ZFPM2: variants seen among roughly 807,000 people sequenced by gnomAD.
ZFPM2 encodes zinc finger protein, FOG family member 2, also known as zinc finger protein ZFPM2.
ZFPM2 carries 20 observed loss-of-function variants against 98.6 expected under a neutral mutation model. That is an observed-to-expected ratio of 0.20 (90% CI 0.14 to 0.29). The LOEUF (loss-of-function observed/expected upper bound fraction) is 0.29, where lower values mean the gene tolerates loss of function less well. Ranked by LOEUF, ZFPM2 falls within the 10% of genes least tolerant of loss-of-function variation. The pLI is 1.00. For missense variants in ZFPM2, 1,310 were observed against 1,388.6 expected, an observed-to-expected ratio of 0.94 and a Z score of 0.90; for synonymous variants, 518 against 502.7, an observed-to-expected ratio of 1.03 and a Z score of -0.41.
intron 5 of ZFPM2, among the ~76,000 whole-genome samples, chr8:105,720,984 A>T (rs1811649445): frequency 6.6e-6 from 1 of 151,868 alleles, no homozygotes; most frequent in Non-Finnish European, 1.5e-5. Context: ...AAGTCGAAAA[A>T]ACTAGTAAGA....
intron 3 of ZFPM2, among the ~76,000 whole-genome samples, chr8:105,472,803 T>C (rs1407056095): frequency 6.6e-6 from 1 of 151,582 alleles, no homozygotes; most frequent in Non-Finnish European, 1.5e-5. Flanking sequence ...CCACCGCGCC[T>C]GGCCTCACTC....
rs559809398 is a variant in ZFPM2 at position 105,403,317 on chromosome 8, TTTC to T, written c.41-15824_41-15822del. 3.3e-3 allele frequency among the ~76,000 whole-genome samples: 496 copies of T among 152,196 alleles called. 4 individuals carry two copies. In the Middle Eastern group the frequency reaches 0.044, roughly 14 times the overall value. ...GCTCTATAATCCGTCTTCCCTGGTTTTTCTTTACTACCTCTCATCTTTTCGATC... is the reference window on the plus strand; with the variant it reads ...GCTCTATAATCCGTCTTCCCTGGTTTTTTACTACCTCTCATCTTTTCGATC... On this transcript the variant is annotated intron_variant, in intron 1 of 7. Transcript: ENST00000407775.
At chr8:105,724,293 A>G (rs1811753252) in intron 5 of ZFPM2, among the ~76,000 whole-genome samples, 1 of 151,880 alleles carries the variant, frequency 6.6e-6, no homozygotes, top group East Asian at 1.9e-4. Flanking sequence ...AGATTCAGTC[A>G]TCCTGAAATA....
At chr8:105,426,964 A>G (rs561672216) in intron 2 of ZFPM2, among the ~76,000 whole-genome samples, 1 of 152,312 alleles carries the variant, frequency 6.6e-6, no homozygotes, top group South Asian at 2.1e-4. Context: ...CTGAAAACAA[A>G]AAAATAGTGT....
chr8:105,800,317 A>T (rs1813963540), intron 7 of ZFPM2, among the ~76,000 whole-genome samples: 1 of 152,078 alleles, frequency 6.6e-6, no homozygotes, highest in Admixed American at 6.6e-5. Context: ...ATGCTTACCC[A>T]CCACAGTCAA....
intron 5 of ZFPM2, among the ~76,000 whole-genome samples, chr8:105,725,242 G>A (rs1811780283): frequency 6.6e-6 from 1 of 151,474 alleles, no homozygotes; most frequent in African/African-American, 2.4e-5. Flanking sequence ...CATCAACCTG[G>A]CATTTCCTTA....
intron 4 of ZFPM2, among the ~76,000 whole-genome samples, chr8:105,561,841 C>G (rs943546785): frequency 6.6e-6 from 1 of 152,034 alleles, no homozygotes; most frequent in Non-Finnish European, 1.5e-5. Context: ...TCATGAAGAA[C>G]AAGAAATAAA....
At chr8:105,642,396 A>G (rs2130853119) in intron 5 of ZFPM2, among the ~76,000 whole-genome samples, 1 of 152,188 alleles carries the variant, frequency 6.6e-6, no homozygotes, top group East Asian at 1.9e-4. Context: ...AATTTTCTTC[A>G]CTTTGATTAT....
chr8:105,576,707 A>AT (rs1041856797), intron 4 of ZFPM2, among the ~76,000 whole-genome samples: 1 of 152,084 alleles, frequency 6.6e-6, no homozygotes, highest in African/African-American at 2.4e-5. Flanking sequence ...GAGCTTTCAG[A>AT]TTTTTATATG....
chr8:105,489,466 A>ATATATATATATATATATATAT (rs1554610604), intron 3 of ZFPM2, among the ~76,000 whole-genome samples: 8 of 119,770 alleles, frequency 6.7e-5, no homozygotes, highest in African/African-American at 2.9e-4. Flanking sequence ...ATATATATAT[A>ATATATATATATATATATATAT]TTTTTTTTTT....
intron 3 of ZFPM2, among the ~76,000 whole-genome samples, chr8:105,537,339 T>G (rs1400400874): frequency 6.6e-6 from 1 of 152,160 alleles, no homozygotes; most frequent in Non-Finnish European, 1.5e-5. Flanking sequence ...GATTATTGAT[T>G]TTTTCTGGTA....
intron 2 of ZFPM2, among the ~76,000 whole-genome samples, chr8:105,441,094 G>A (rs1399013930): frequency 2.0e-5 from 3 of 152,126 alleles, no homozygotes; most frequent in Admixed American, 1.3e-4. Context: ...GGCAGAGGTT[G>A]CAGTGAGCCG....
intron 1 of ZFPM2, among the ~76,000 whole-genome samples, chr8:105,388,624 A>G (rs1321884928): frequency 6.6e-6 from 1 of 152,194 alleles, no homozygotes; most frequent in African/African-American, 2.4e-5. Flanking sequence ...ATTGGGACAA[A>G]CATAATGGGA....
intron 2 of ZFPM2, among the ~76,000 whole-genome samples, chr8:105,441,457 A>AAGGAAGGAAGGAAGGAAGGAAG (rs1563659923): frequency 4.9e-5 from 4 of 81,828 alleles, no homozygotes; most frequent in African/African-American, 2.1e-4. Flanking sequence ...AGAGAGAGAA[A>AAGGAAGGAAGGAAGGAAGGAAG]GAAAGAAAGA....
At chr8:105,505,388 A>C (rs941276782) in intron 3 of ZFPM2, among the ~76,000 whole-genome samples, 1 of 152,158 alleles carries the variant, frequency 6.6e-6, no homozygotes, top group African/African-American at 2.4e-5. Flanking sequence ...GGTCTAGAGA[A>C]ACACACACAG....
intron 3 of ZFPM2, among the ~76,000 whole-genome samples, chr8:105,460,633 C>G (rs1262601990): frequency 1.3e-5 from 2 of 151,998 alleles, no homozygotes; most frequent in Non-Finnish European, 2.9e-5. Context: ...TGAAAGGTGT[C>G]CACATCATTA....
At chr8:105,391,470 G>C (rs1270303010) in intron 1 of ZFPM2, among the ~76,000 whole-genome samples, 1 of 152,136 alleles carries the variant, frequency 6.6e-6, no homozygotes, top group Non-Finnish European at 1.5e-5. Flanking sequence ...AAGTCTTCCA[G>C]TCATGAAAGA....
intron 5 of ZFPM2, among the ~76,000 whole-genome samples, chr8:105,688,846 G>A (rs1321758827): frequency 6.6e-6 from 1 of 152,072 alleles, no homozygotes; most frequent in Non-Finnish European, 1.5e-5. Flanking sequence ...TATGTACATA[G>A]TAAGCATAAA....
chr8:105,580,821 C>CTATATATATATATA (rs1246550089), intron 4 of ZFPM2, among the ~76,000 whole-genome samples: 3 of 119,930 alleles, frequency 2.5e-5, no homozygotes, highest in South Asian at 2.8e-4. Context: ...CTCTCTCTCT[C>CTATATATATATATA]TCTCTCTATA....
Sources: allele counts gnomAD v4.1 joint callset (sites outside exome capture counted in the v4.1 genomes callset), GRCh38; gene constraint gnomAD v4.1.1; transcripts MANE v1.5; gene names NCBI Gene and HGNC (gene_info 2026-07-23, HGNC 2026-07-21).